The following IFT80 variants were observed in gnomAD, a reference collection of about 807,000 sequenced individuals.
IFT80 encodes intraflagellar transport 80.
A neutral mutation model predicts 107.9 loss-of-function variants in IFT80; 79 were observed. The observed-to-expected ratio is 0.73, with a 90% confidence interval of 0.61 to 0.88. The LOEUF (loss-of-function observed/expected upper bound fraction) is 0.88. IFT80 is among the 40% of genes least tolerant of loss of function. The pLI is 0.00. For synonymous variants in IFT80, 299 were observed against 300.9 expected, an observed-to-expected ratio of 0.99 and a Z score of 0.07; for missense variants, 797 against 914.2, an observed-to-expected ratio of 0.87 and a Z score of 1.65.
At chr3:160,265,809 A>G (rs1713269500) in intron 19 of IFT80, among the ~76,000 whole-genome samples, 1 of 152,142 alleles carries the variant, frequency 6.6e-6, no homozygotes, top group Non-Finnish European at 1.5e-5. Context: ...ATCTAGAATA[A>G]ATTTCTCAAT....
At chr3:160,329,346 G>A (rs558917192) in intron 8 of IFT80, among the ~76,000 whole-genome samples, 4 of 152,154 alleles carry the variant, frequency 2.6e-5, no homozygotes, top group Non-Finnish European at 5.9e-5. Flanking sequence ...AAAAGGGAAT[G>A]AGACAGCTGC....
intron 12 of IFT80, among the ~76,000 whole-genome samples, chr3:160,296,001 G>C (rs1172175161): frequency 6.6e-6 from 1 of 152,100 alleles, no homozygotes; most frequent in Non-Finnish European, 1.5e-5. Flanking sequence ...CAGGGAGGGG[G>C]AAATGGGGAG....
intron 9 of IFT80, among the ~76,000 whole-genome samples, chr3:160,318,803 G>C (rs1328853913): frequency 6.6e-6 from 1 of 152,006 alleles, no homozygotes; most frequent in East Asian, 1.9e-4. Flanking sequence ...AGCAGCAGGA[G>C]GTCAGTCTGA....
intron 8 of IFT80, among the ~76,000 whole-genome samples, chr3:160,347,425 C>T (rs1484416821): frequency 6.6e-6 from 1 of 152,100 alleles, no homozygotes; most frequent in Non-Finnish European, 1.5e-5. Flanking sequence ...CCTATTCCAC[C>T]ATTTTCTGTG....
At chr3:160,354,143 G>T (rs2108357375) in intron 8 of IFT80, among the ~76,000 whole-genome samples, 2 of 151,572 alleles carry the variant, frequency 1.3e-5, no homozygotes, top group African/African-American at 4.8e-5. Context: ...GTGAAAATGA[G>T]ACTACACATT....
Position 160,282,515 on chromosome 3 carries a change from C to T in IFT80, c.1479G>A (p.Val493=). 6.3e-7 allele frequency: 1 copy of T among 1,599,008 alleles called. No homozygotes were observed. Among genetic ancestry groups the T allele is most frequent in the South Asian group, 1.1e-5 (1 of 89,118 alleles). ...TTTGTTCTTCCTTCCCAAATCGTTT[C>T]ACAGAAGTGATACAGAGATCTCTAT... ...DKNRDLCITS[V]KRFGKEEQII... The change falls in exon 14 of 20, where the codon GTG becomes GTA. Residue 493 remains valine (V), a synonymous_variant. Transcript: ENST00000326448.
chr3:160,362,253 A>G (rs1721545309), intron 6 of IFT80, among the ~76,000 whole-genome samples: 1 of 152,244 alleles, frequency 6.6e-6, no homozygotes, highest in Admixed American at 6.5e-5. Flanking sequence ...CAACACCTCT[A>G]CGCAAATAAA....
At chr3:160,308,921 A>C (rs924646357) in intron 9 of IFT80, among the ~76,000 whole-genome samples, 3 of 152,166 alleles carry the variant, frequency 2.0e-5, no homozygotes, top group Non-Finnish European at 4.4e-5. Context: ...CCATTCCACC[A>C]AGCATGGACA....
At position 160,257,581 on chromosome 3, in the gene IFT80, T is replaced by C. The variant is rs976734188; in HGVS notation, c.*944A>G. On this transcript the variant is annotated 3_prime_UTR_variant, in exon 20 of 20. Transcript: ENST00000326448. The stretch of plus-strand genomic sequence containing the variant: ...GAATCCTTCTTGCCCATTCTAGATA[T>C]ATTTTTTAAATTATGATAAAATATA... 11 of 152,186 alleles carry C rather than the reference T, an allele frequency of 7.2e-5. No individual in the cohort carries two copies. Among genetic ancestry groups the C allele is most frequent in the Admixed American group, 2.0e-4 (3 of 15,276 alleles). 9.4% of individuals were successfully genotyped at this position (152,186 alleles called of 1,614,324 possible).
chr3:160,309,856 A>T (rs1261803064), intron 9 of IFT80, among the ~76,000 whole-genome samples: 1 of 152,192 alleles, frequency 6.6e-6, no homozygotes, highest in Non-Finnish European at 1.5e-5. Context: ...TGTTATTTTC[A>T]AACTATATTT....
intron 1 of IFT80, among the ~76,000 whole-genome samples, chr3:160,392,621 T>C (rs1713472189): frequency 6.6e-6 from 1 of 152,244 alleles, no homozygotes; most frequent in Non-Finnish European, 1.5e-5. Context: ...ATTTGTTGGC[T>C]TTATCTTCAA....
chr3:160,291,798 T>C (rs570830159), intron 12 of IFT80, among the ~76,000 whole-genome samples: 1 of 152,326 alleles, frequency 6.6e-6, no homozygotes, highest in South Asian at 2.1e-4. Flanking sequence ...CATTAAGGTA[T>C]GTCGTATCAA....
At chr3:160,294,458 T>C (rs1178034295) in intron 12 of IFT80, among the ~76,000 whole-genome samples, 1 of 152,232 alleles carries the variant, frequency 6.6e-6, no homozygotes, top group Non-Finnish European at 1.5e-5. Context: ...TGAGCTCAAG[T>C]GATCCACCCA....
rs749134206 is a variant in IFT80, at chr3:160,277,618, A to G, written c.1889T>C (p.Met630Thr). ...TGCATAGGCTATTTCTGCAGTAGTC[A>G]TATCTCGATTAGCAACTGCCATAGC... The part of the protein sequence containing the change: ...LAAMAVANRD[M>T]TTAEIAYAAI... The change falls in exon 17 of 20, where the codon ATG (methionine) becomes ACG (threonine). Residue 630 changes from methionine to threonine, a missense_variant. Met to Thr is a moderately conservative substitution (Grantham distance 81). Transcript: ENST00000326448. The G allele has an allele frequency of 6.2e-7, 1 of 1,613,720 alleles. No homozygotes were observed. The highest frequency in any genetic ancestry group is 8.5e-7 in the Non-Finnish European group (1 of 1,179,736).
At chr3:160,281,721 TGG>T (rs1559917326) in intron 14 of IFT80, among the ~76,000 whole-genome samples, 4 of 150,862 alleles carry the variant, frequency 2.7e-5, no homozygotes, top group Admixed American at 6.6e-5. Context: ...AACACTGGAG[TGG>T]TAAGGGAAAA....
In IFT80 at chr3:160,277,398, A is replaced by C; in HGVS notation, c.2007T>G (p.Ser669Arg). Residue 669 changes from serine to arginine, a missense_variant, in exon 18 of 20, where the codon AGT becomes AGG. Ser to Arg is a moderately radical substitution (Grantham distance 110). Transcript: ENST00000326448. ...ESKMAHILLF[S>R]GNIQEAEIVL... is the part of the protein sequence containing the mutation. ...CTATTTCAGCCTCCTGTATGTTCCC[A>C]CTAAACAGTAGTATGTGGGCCATTT... is the stretch of plus-strand genomic sequence containing the variant. The C allele has an allele frequency of 6.2e-7, 1 of 1,613,470 alleles. No homozygotes were observed.
intron 12 of IFT80, among the ~76,000 whole-genome samples, chr3:160,286,568 A>G (rs1715109085): frequency 6.6e-6 from 1 of 152,178 alleles, no homozygotes; most frequent in African/African-American, 2.4e-5. Context: ...TTCCTGCAAT[A>G]TGAGTTTAGT....
intron 8 of IFT80, among the ~76,000 whole-genome samples, chr3:160,326,795 A>G (rs1053059345): frequency 6.6e-6 from 1 of 152,114 alleles, no homozygotes; most frequent in Non-Finnish European, 1.5e-5. Flanking sequence ...CTCCTATTCA[A>G]TACAGTATTG....
intron 3 of IFT80, among the ~76,000 whole-genome samples, chr3:160,379,888 G>C (rs1333158519): frequency 6.6e-6 from 1 of 151,850 alleles, no homozygotes. Flanking sequence ...CAAGTCTCTC[G>C]GTAAATAAGG....
Sources: gnomAD v4.1 joint callset for allele counts (sites outside exome capture counted in the v4.1 genomes callset) on GRCh38, gnomAD v4.1.1 for gene constraint, MANE v1.5 for transcripts, NCBI Gene and HGNC (gene_info 2026-07-23, HGNC 2026-07-21) for gene names.